The following RXFP2 variants were observed in gnomAD, a reference collection of about 807,000 sequenced individuals.
The protein encoded by RXFP2 is relaxin receptor 2.
Under a neutral mutation model 88.6 loss-of-function variants are expected in RXFP2, and 68 were observed. The observed-to-expected ratio is 0.77, with a 90% CI of 0.63 to 0.94. The LOEUF is 0.94. Among genes scored for constraint, RXFP2 ranks in the 40% least tolerant of loss-of-function variants. The pLI is 0.00. For missense variants in RXFP2, 791 were observed against 893.9 expected (o/e 0.88, Z 1.47); for synonymous variants, 329 against 306.8 (o/e 1.07, Z -0.76).
intron 15 of RXFP2, 67 bp from the exon 16 acceptor site, chr13:31,792,611 C>A: frequency 6.8e-7 from 1 of 1,463,104 alleles, no homozygotes; most frequent in Non-Finnish European, 9.6e-7. Context: ...TGGAAATAGA[C>A]TTAATCAGAA....
intron 2 of RXFP2, among the ~76,000 whole-genome samples, chr13:31,758,771 C>T (rs1301505138): frequency 2.0e-5 from 3 of 152,120 alleles, no homozygotes; most frequent in Non-Finnish European, 4.4e-5. Context: ...GGAGTGGCGG[C>T]TCATGCCTAT....
chr13:31,791,970 TTGGCA>T lies in RXFP2; in HGVS notation c.1313_1317del (p.Gly438GlufsTer5), dbSNP rs1873814586. 2 of 1,614,086 alleles carry T rather than the reference TTGGCA, an allele frequency of 1.2e-6. No individual in the cohort carries two copies. The highest frequency in any genetic ancestry group is 3.3e-5 in the Admixed American group (2 of 60,008). On this transcript the variant is annotated frameshift_variant, in exon 15 of 18. Coordinates refer to ENST00000298386, the MANE Select transcript of RXFP2 (RefSeq NM_130806.5). LOFTEE classifies it high-confidence loss of function. Reference sequence around the variant, plus strand: ...ACCTGCTTTGGAAATCTTTTTGTCATTGGCATGAGATCTTTCATTAAAGCTGAAAA... The same window carrying T: ...ACCTGCTTTGGAAATCTTTTTGTCATTGAGATCTTTCATTAAAGCTGAAAA...
chr13:31,762,664 T>C (rs968215522), intron 3 of RXFP2, among the ~76,000 whole-genome samples: 15 of 152,138 alleles, frequency 9.9e-5, no homozygotes, highest in Admixed American at 5.2e-4. Flanking sequence ...AACATATATA[T>C]CAAATACTAC....
chr13:31,791,335 G>A (rs557190337), intron 14 of RXFP2, among the ~76,000 whole-genome samples: 1 of 152,314 alleles, frequency 6.6e-6, no homozygotes, highest in Admixed American at 6.5e-5. Context: ...CAGTGTCAGG[G>A]AAGAGGAGGC....
At position 31,758,291 on chromosome 13, in the gene RXFP2, C is replaced by A. The variant is rs1301704983; in HGVS notation, c.128C>A (p.Pro43His). The A allele has an allele frequency of 1.2e-6, 2 of 1,614,012 alleles. No individual in the cohort carries two copies. The highest frequency in any genetic ancestry group is 3.3e-4 in the Middle Eastern group (2 of 6,058). ...CTGACTCAAGGTAGCATGATCACTC[C>A]TTCATGCCAAAAAGGATATTTTCCC... is the stretch of plus-strand genomic sequence containing the variant. ...FALTQGSMIT[P>H]SCQKGYFPCG... The change falls in exon 2 of 18, where the codon CCT becomes CAT. Residue 43 changes from proline to histidine, a missense_variant. Coordinates refer to ENST00000298386, the MANE Select transcript of RXFP2 (RefSeq NM_130806.5).
At chr13:31,772,310 C>T (rs998494925) in intron 5 of RXFP2, among the ~76,000 whole-genome samples, 2 of 152,096 alleles carry the variant, frequency 1.3e-5, no homozygotes, top group African/African-American at 2.4e-5. Context: ...CTGCCTGGCT[C>T]TTGAATACAA....
At chr13:31,752,342 G>C (rs1394561230) in intron 1 of RXFP2, among the ~76,000 whole-genome samples, 1 of 152,078 alleles carries the variant, frequency 6.6e-6, no homozygotes, top group African/African-American at 2.4e-5. Context: ...TGAAGTGTTT[G>C]CTTTGTCCCA....
chr13:31,767,503 A>G (rs1872593481), intron 5 of RXFP2, among the ~76,000 whole-genome samples: 1 of 152,238 alleles, frequency 6.6e-6, no homozygotes, highest in Non-Finnish European at 1.5e-5. Context: ...CCTGAATAAT[A>G]CATGTGGGAG....
At chr13:31,761,658 G>T in intron 2 of RXFP2, 66 bp from the exon 3 acceptor site, 1 of 1,048,016 alleles carries the variant, frequency 9.5e-7, no homozygotes, top group South Asian at 1.3e-5. Flanking sequence ...TTACCAAATT[G>T]TTAAATTTTG....
intron 1 of RXFP2, among the ~76,000 whole-genome samples, chr13:31,748,560 C>A (rs576181654): frequency 7.2e-5 from 11 of 152,138 alleles, no homozygotes; most frequent in Non-Finnish European, 1.5e-4. Context: ...AGTCTCTTGC[C>A]CATTTTTCTA....
intron 2 of RXFP2, among the ~76,000 whole-genome samples, chr13:31,759,438 A>AAAGAAAG (rs1566218622): frequency 6.7e-6 from 1 of 149,412 alleles, no homozygotes; most frequent in African/African-American, 2.5e-5. Flanking sequence ...AGAAAGAAAG[A>AAAGAAAG]AAGAAAGATA....
At chr13:31,752,128 G>A (rs551090856) in intron 1 of RXFP2, among the ~76,000 whole-genome samples, 1 of 152,184 alleles carries the variant, frequency 6.6e-6, no homozygotes, top group Non-Finnish European at 1.5e-5. Flanking sequence ...GTAAGGATGA[G>A]GTTGGCAGTT....
intron 9 of RXFP2, 85 bp from the exon 10 acceptor site, chr13:31,781,586 A>G: frequency 1.0e-6 from 1 of 960,544 alleles, no homozygotes; most frequent in African/African-American, 1.6e-5. Flanking sequence ...AGTAAAAATA[A>G]ACTTGATAAC....
At chr13:31,756,758 A>G (rs956665426) in intron 1 of RXFP2, among the ~76,000 whole-genome samples, 10 of 151,670 alleles carry the variant, frequency 6.6e-5, no homozygotes, top group Admixed American at 5.9e-4. Context: ...AGTAGCTAGG[A>G]CTGCAGCACG....
chr13:31,786,481 G>A, intron 12 of RXFP2, 27 bp downstream of exon 12: 2 of 1,565,578 alleles, frequency 1.3e-6, no homozygotes, highest in Non-Finnish European at 1.8e-6. Context: ...ACCATAATCA[G>A]ATTTAAAGGG....
At chr13:31,799,928 A>G (rs536324492) in intron 17 of RXFP2, among the ~76,000 whole-genome samples, 51 of 152,240 alleles carry the variant, frequency 3.3e-4, no homozygotes, top group African/African-American at 1.2e-3. Context: ...AGTCTACGAC[A>G]CCTCAGATCA....
intron 3 of RXFP2, 73 bp downstream of exon 3, chr13:31,761,874 G>A (rs746339710): frequency 1.1e-5 from 10 of 950,096 alleles, no homozygotes; most frequent in Middle Eastern, 4.4e-4. Flanking sequence ...ATTTATATGG[G>A]TAATGTGACA....
chr13:31,776,818 CT>C (rs1566228429), intron 7 of RXFP2, among the ~76,000 whole-genome samples: 1 of 152,128 alleles, frequency 6.6e-6, no homozygotes, highest in African/African-American at 2.4e-5. Flanking sequence ...ACTCTAATTT[CT>C]TCTATAAAAT....
intron 14 of RXFP2, among the ~76,000 whole-genome samples, chr13:31,790,784 T>C (rs1873753980): frequency 1.3e-5 from 2 of 152,076 alleles, no homozygotes; most frequent in Non-Finnish European, 2.9e-5. Flanking sequence ...AAGTGACATT[T>C]GAGCAGACCT....
Sources: allele counts gnomAD v4.1 joint callset (sites outside exome capture counted in the v4.1 genomes callset), GRCh38; gene constraint gnomAD v4.1.1; transcripts MANE v1.5; gene names NCBI Gene and HGNC (gene_info 2026-07-23, HGNC 2026-07-21).